SEMA4F: variants seen among roughly 807,000 people sequenced by gnomAD.
SEMA4F encodes ssemaphorin 4F, also known as semaphorin-4F.
In SEMA4F, 51 loss-of-function variants were observed where a neutral mutation model predicts 78.4. That is an observed-to-expected ratio of 0.65 (90% CI 0.52 to 0.82). SEMA4F has a LOEUF of 0.82. Among genes scored for constraint, SEMA4F ranks in the 40% least tolerant of loss-of-function variants. The pLI is 0.00. For synonymous variants in SEMA4F, 418 were observed against 408.7 expected (o/e 1.02, Z -0.27); for missense variants, 938 against 1,014.4 (o/e 0.92, Z 1.02).
chr2:74,709,114 G>T, the SEMA4F span, among the ~76,000 whole-genome samples: 3 of 152,210 alleles, frequency 2.0e-5, no homozygotes, highest in African/African-American at 7.2e-5. Flanking sequence ...GCGGTGAGCT[G>T]TGATTGCATA....
At chr2:74,699,849 T>C in the SEMA4F span, among the ~76,000 whole-genome samples, 1 of 152,068 alleles carries the variant, frequency 6.6e-6, no homozygotes, top group South Asian at 2.1e-4. Context: ...GAAGTGAGAA[T>C]GAGAACTAGA....
the SEMA4F span, among the ~76,000 whole-genome samples, chr2:74,692,437 A>G: frequency 1.3e-5 from 2 of 152,196 alleles, no homozygotes; most frequent in Non-Finnish European, 2.9e-5. Flanking sequence ...AGGACCTGGT[A>G]TGCTCTGCCT....
chr2:74,673,966 C>T (rs1234571430), intron 7 of SEMA4F, 138 bp downstream of exon 7: 1 of 1,051,142 alleles, frequency 9.5e-7, no homozygotes, highest in Non-Finnish European at 1.4e-6. Flanking sequence ...CTTCTGGGAG[C>T]TTGAGGAATG....
the SEMA4F span, among the ~76,000 whole-genome samples, chr2:74,693,774 A>C: frequency 1.3e-5 from 2 of 152,090 alleles, no homozygotes; most frequent in Admixed American, 1.3e-4. Flanking sequence ...GTCCTCTATC[A>C]GTTCATAGGG....
Position 74,680,293 on chromosome 2 carries a change from A to AC in SEMA4F, c.*86dup. ...TGCTGGGGGTCACTGGGCCTGGAAG[A>AC]CCATCCCAGCCTCTGAGTTCTCTTT... On this transcript the variant is annotated 3_prime_UTR_variant, in exon 14 of 14. Coordinates refer to ENST00000357877, the MANE Select transcript of SEMA4F (RefSeq NM_004263.5). 6.9e-7 allele frequency: 1 copy of AC among 1,449,922 alleles called. No homozygotes were observed. The highest frequency in any genetic ancestry group is 9.3e-7 in the Non-Finnish European group (1 of 1,078,180). The allele number at this position is 1,449,922 out of a possible 1,614,324, so 89.8% of individuals were successfully genotyped here.
At chr2:74,687,538 A>T (rs1448860525), downstream of SEMA4F, among the ~76,000 whole-genome samples, 1 of 152,212 alleles carries the variant, frequency 6.6e-6, no homozygotes, top group Non-Finnish European at 1.5e-5. Flanking sequence ...CACATAGTAG[A>T]TGCTCAATAT....
the SEMA4F span, among the ~76,000 whole-genome samples, chr2:74,701,901 A>G: frequency 6.6e-6 from 1 of 152,156 alleles, no homozygotes; most frequent in African/African-American, 2.4e-5. Flanking sequence ...GAAAAAGGTA[A>G]TCCCAGAGGT....
chr2:74,657,899 C>G lies in SEMA4F; in HGVS notation c.404C>G (p.Ser135Cys). The G allele has an allele frequency of 6.2e-7, 1 of 1,614,256 alleles. No individual in the cohort carries two copies. The highest frequency in any genetic ancestry group is 1.1e-5 in the South Asian group (1 of 91,084). ...CAGATTCTCGCCATTGCCAATGCCT[C>G]TCACCTCCTCACTTGTGGCACCTTC... ...FVQILAIANA[S>C]HLLTCGTFAF... is the part of the protein sequence containing the mutation. Residue 135 changes from serine to cysteine, a missense_variant, in exon 4 of 14, where the codon TCT (serine) becomes TGT (cysteine). Coordinates refer to ENST00000357877, the MANE Select transcript of SEMA4F (RefSeq NM_004263.5).
Position 74,680,214 on chromosome 2 carries a change from G to C in SEMA4F, c.*5G>C. 3 of 1,553,822 alleles carry C rather than the reference G, an allele frequency of 1.9e-6. No homozygotes were observed. Among genetic ancestry groups the C allele is most frequent in the Non-Finnish European group, 2.6e-6 (3 of 1,145,708 alleles). ...TGTGATGAAACATCCATCTAGAGCT[G>C]GGCAAATGACCACTAGTGTATAAGT... On this transcript the variant is annotated 3_prime_UTR_variant, in exon 14 of 14. Transcript: ENST00000357877.
chr2:74,658,889 A>G lies in SEMA4F; in HGVS notation c.456+938A>G, dbSNP rs1370961505. On this transcript the variant is annotated intron_variant, in intron 4 of 13. Transcript: ENST00000357877. The surrounding 1 kb of genome is among the most constrained non-coding windows in gnomAD (Gnocchi z 4.3). ...GTAGATCTTGTCTTGACTCTTCTGC[A>G]GTCCTCAGTAATCCCTGCCACCTGG... 6.6e-6 allele frequency among the ~76,000 whole-genome samples: 1 copy of G among 152,110 alleles called. No individual in the cohort carries two copies. Among genetic ancestry groups the G allele is most frequent in the South Asian group, 2.1e-4 (1 of 4,824 alleles).
At chr2:74,665,448 C>T (rs1325366686) in intron 5 of SEMA4F, among the ~76,000 whole-genome samples, 2 of 151,900 alleles carry the variant, frequency 1.3e-5, no homozygotes, top group African/African-American at 4.8e-5. Flanking sequence ...TCAGGATGGT[C>T]TCAATCTCCT....
At position 74,683,182 on chromosome 2, in the gene SEMA4F, A is replaced by G. The variant is rs886705981; in HGVS notation, c.*2973A>G. Reference sequence around the variant, plus strand: ...TTGTAAGACAGCAGGGATTCTCTGAAGATTAATGATTGAGAAGGATGATTG... The same window carrying G: ...TTGTAAGACAGCAGGGATTCTCTGAGGATTAATGATTGAGAAGGATGATTG... On this transcript the variant is annotated 3_prime_UTR_variant, in exon 14 of 14. Transcript: ENST00000357877. 1.3e-5 allele frequency: 2 copies of G among 152,238 alleles called. No homozygotes were observed. Among genetic ancestry groups the G allele is most frequent in the Non-Finnish European group, 2.9e-5 (2 of 68,062 alleles). 9.4% of individuals were successfully genotyped at this position (152,238 alleles called of 1,614,324 possible).
chr2:74,657,693 C>T, intron 3 of SEMA4F, 69 bp downstream of exon 3: 1 of 1,510,844 alleles, frequency 6.6e-7, no homozygotes, highest in South Asian at 1.1e-5. Flanking sequence ...CTCTCAGTCC[C>T]CTGTAATGCT....
intron 12 of SEMA4F, 49 bp downstream of exon 12, chr2:74,675,958 C>A: frequency 6.4e-7 from 1 of 1,561,550 alleles, no homozygotes; most frequent in Non-Finnish European, 8.6e-7. Flanking sequence ...GGGCTCTGTC[C>A]CATCCATATG....
the SEMA4F span, among the ~76,000 whole-genome samples, chr2:74,691,821 G>A: frequency 6.6e-5 from 10 of 152,226 alleles, no homozygotes; most frequent in Non-Finnish European, 1.5e-4. Flanking sequence ...GTTCTGGATA[G>A]ATGAGGGATG....
downstream of SEMA4F, chr2:74,683,922 G>A (rs1471114123): frequency 6.6e-6 from 1 of 152,136 alleles, no homozygotes; most frequent in Non-Finnish European, 1.5e-5. Context: ...TCTGTCTGGA[G>A]CATATGCGTG....
chr2:74,704,777 A>G, the SEMA4F span, among the ~76,000 whole-genome samples: 1 of 151,982 alleles, frequency 6.6e-6, no homozygotes, highest in South Asian at 2.1e-4. Context: ...TGGTCACTGG[A>G]TTTGTCCCTT....
chr2:74,679,774 T>C lies in SEMA4F; in HGVS notation c.1878T>C (p.Tyr626=), dbSNP rs1374776979. ...VVVTPGAMGA[Y]ACECQEGGAA... ...TGACCCCAGGGGCCATGGGCGCTTA[T>C]GCCTGTGAATGTCAGGAGGGTGGGG... The change falls in exon 14 of 14, where the codon TAT becomes TAC. Residue 626 remains tyrosine (Y), a synonymous_variant. Coordinates refer to ENST00000357877, the MANE Select transcript of SEMA4F (RefSeq NM_004263.5). 1 of 1,614,210 alleles carries C rather than the reference T, an allele frequency of 6.2e-7. No homozygotes were observed.
downstream of SEMA4F, among the ~76,000 whole-genome samples, chr2:74,685,964 C>T (rs565605576): frequency 6.2e-4 from 94 of 152,266 alleles, no homozygotes; most frequent in African/African-American, 2.1e-3. Flanking sequence ...AAAAAATGCT[C>T]ATCATTACTG....
Sources: allele counts gnomAD v4.1 joint callset (sites outside exome capture counted in the v4.1 genomes callset), GRCh38; gene constraint gnomAD v4.1.1; non-coding constraint Gnocchi (gnomAD v3.1); transcripts MANE v1.5; gene names NCBI Gene and HGNC (gene_info 2026-07-23, HGNC 2026-07-21).